Variants in IL6ST observed in about 807,000 individuals in gnomAD.
The protein encoded by IL6ST is interleukin 6 cytokine family signal transducer.
A neutral mutation model predicts 91.3 loss-of-function variants in IL6ST; 24 were observed. The ratio of observed to expected loss-of-function variants is 0.26; its 90% confidence interval spans 0.19 to 0.37. The LOEUF (loss-of-function observed/expected upper bound fraction) is 0.37. IL6ST is among the 10% of genes least tolerant of loss of function. The pLI is 1.00. For missense variants in IL6ST, 914 were observed against 1,078.5 expected (o/e 0.85, Z 2.14); for synonymous variants, 351 against 373.6 (o/e 0.94, Z 0.70).
intron 1 of IL6ST, among the ~76,000 whole-genome samples, chr5:55,992,829 T>A (rs1055231791): frequency 2.0e-5 from 3 of 152,224 alleles, no homozygotes; most frequent in African/African-American, 7.2e-5. Flanking sequence ...TTTTAATATC[T>A]ACAGGATTTT....
intron 14 of IL6ST, chr5:55,950,099 T>C: frequency 2.4e-6 from 1 of 420,230 alleles, no homozygotes; most frequent in South Asian, 1.7e-5. Flanking sequence ...TCAGCTTATG[T>C]GAGAGAAAAA....
intron 1 of IL6ST, among the ~76,000 whole-genome samples, chr5:55,983,717 A>T (rs1441802081): frequency 6.6e-6 from 1 of 152,218 alleles, no homozygotes; most frequent in Non-Finnish European, 1.5e-5. Context: ...AAAGTGCACT[A>T]TAATCCCACC....
Position 55,956,007 on chromosome 5 carries a change from C to T in IL6ST, c.1267+18G>A. 2 of 1,567,824 alleles carry T rather than the reference C, an allele frequency of 1.3e-6. No individual in the cohort carries two copies. The highest frequency in any genetic ancestry group is 1.8e-6 in the Non-Finnish European group (2 of 1,137,880). ...ATTTTTCCACCCAAGAGTCAGGCTC[C>T]ATCTCACAGATACAAACCTTGAAAG... On this transcript the variant is annotated intron_variant, in intron 10 of 16. Coordinates refer to ENST00000381298, the MANE Select transcript of IL6ST (RefSeq NM_002184.4).
chr5:55,962,955 AAAT>A (rs746479709), intron 7 of IL6ST, among the ~76,000 whole-genome samples: 3 of 152,088 alleles, frequency 2.0e-5, no homozygotes, highest in Non-Finnish European at 4.4e-5. Context: ...TCTCCACAAA[AAAT>A]AATAATAATT....
At chr5:55,962,355 T>C (rs1357106237) in intron 7 of IL6ST, among the ~76,000 whole-genome samples, 2 of 152,202 alleles carry the variant, frequency 1.3e-5, no homozygotes, top group Non-Finnish European at 2.9e-5. Context: ...AGACATACTG[T>C]TTGTGATAAA....
rs1753736454 is a variant in IL6ST at position 55,982,735 on chromosome 5, A to T, written c.-27T>A. ...GATCAATTACTTACCCAAATCACAA[A>T]ATTAGTAAGTGAAGGAGTAGGGATT... On this transcript the variant is annotated 5_prime_UTR_variant, in exon 2 of 17. Coordinates refer to ENST00000381298, the MANE Select transcript of IL6ST (RefSeq NM_002184.4). 1 of 398,368 alleles carries T rather than the reference A, an allele frequency of 2.5e-6. No individual in the cohort carries two copies. Among genetic ancestry groups the T allele is most frequent in the South Asian group, 1.3e-4 (1 of 7,854 alleles). The allele number at this position is 398,368 out of a possible 1,614,324, so 24.7% of individuals were successfully genotyped here. A position where few individuals can be genotyped will look rare whatever the true frequency, so the allele number is the denominator to read the frequency against.
chr5:55,983,925 A>G (rs1753804297), intron 1 of IL6ST, among the ~76,000 whole-genome samples: 1 of 152,170 alleles, frequency 6.6e-6, no homozygotes, highest in South Asian at 2.1e-4. Context: ...TATAGAGAGT[A>G]ATTCCTTGTA....
chr5:55,951,057 G>A (rs925763534), intron 14 of IL6ST, among the ~76,000 whole-genome samples: 1 of 152,162 alleles, frequency 6.6e-6, no homozygotes, highest in African/African-American at 2.4e-5. Flanking sequence ...GTGCAGGGGT[G>A]GGGTAGGACC....
intron 15 of IL6ST, among the ~76,000 whole-genome samples, chr5:55,945,341 A>G (rs1451189728): frequency 1.3e-5 from 2 of 152,202 alleles, no homozygotes; most frequent in Non-Finnish European, 2.9e-5. Flanking sequence ...ATGGAAATAG[A>G]TACAGACTTA....
rs1027222912 is a variant in IL6ST at position 55,936,083 on chromosome 5, AT to A, written c.*4998del. 3 of 228,124 alleles carry A rather than the reference AT, an allele frequency of 1.3e-5. No homozygotes were observed. The highest frequency in any genetic ancestry group is 2.6e-5 in the Non-Finnish European group (3 of 114,930). The allele number at this position is 228,124 out of a possible 1,614,324, so 14.1% of individuals were successfully genotyped here. Reference sequence around the variant, plus strand: ...GCTTGTGGGTTTTTTGACTCACTACATTTTTTTAGACAAAATCACAATGTGA... The same window carrying A: ...GCTTGTGGGTTTTTTGACTCACTACATTTTTTAGACAAAATCACAATGTGA... On this transcript the variant is annotated 3_prime_UTR_variant, in exon 17 of 17. Coordinates refer to ENST00000381298, the MANE Select transcript of IL6ST (RefSeq NM_002184.4).
In IL6ST at chr5:55,960,425, G is replaced by A. The variant is rs1752241538; in HGVS notation, c.950C>T (p.Ala317Val). Residue 317 changes from alanine (A) to valine (V), a missense_variant, in exon 8 of 17, where the codon GCA becomes GTA. Coordinates refer to ENST00000381298, the MANE Select transcript of IL6ST (RefSeq NM_002184.4). Reference sequence around the variant, plus strand: ...ACTATCTTCATAGGTGATCCCACTTGCTTCTTCACTCCAGTCACTCCAGTA... The same window carrying A: ...ACTATCTTCATAGGTGATCCCACTTACTTCTTCACTCCAGTCACTCCAGTA... ...KGYWSDWSEE[A>V]SGITYEDRPS... is the part of the protein sequence containing the mutation. 6.2e-7 allele frequency: 1 copy of A among 1,613,498 alleles called. No individual in the cohort carries two copies. The highest frequency in any genetic ancestry group is 8.5e-7 in the Non-Finnish European group (1 of 1,179,598).
intron 7 of IL6ST, among the ~76,000 whole-genome samples, chr5:55,961,456 C>A (rs1398547192): frequency 6.6e-6 from 1 of 152,020 alleles, no homozygotes; most frequent in Non-Finnish European, 1.5e-5. Context: ...CAGGTAGTGA[C>A]CCTAAGTTGA....
intron 1 of IL6ST, among the ~76,000 whole-genome samples, chr5:55,985,351 CTAAAA>C (rs1432499876): frequency 6.6e-6 from 1 of 151,732 alleles, no homozygotes; most frequent in Non-Finnish European, 1.5e-5. Flanking sequence ...CCTGTCTCTA[CTAAAA>C]TATTTTAAAA....
At position 55,938,283 on chromosome 5, in the gene IL6ST, T is replaced by C. The variant is rs916710303; in HGVS notation, c.*2799A>G. The C allele has an allele frequency of 1.5e-4, 29 of 192,006 alleles. No homozygotes were observed. The highest frequency in any genetic ancestry group is 2.8e-4 in the African/African-American group (12 of 43,048). 11.9% of individuals were successfully genotyped at this position (192,006 alleles called of 1,614,324 possible). A position where few individuals can be genotyped will look rare whatever the true frequency, so the allele number is the denominator to read the frequency against. The stretch of plus-strand genomic sequence containing the variant: ...GAACATGTGAATGAAATTTGCTTTT[T>C]TTCCTTGCTGCTGTTCCCGAGTGCC... On this transcript the variant is annotated 3_prime_UTR_variant, in exon 17 of 17. Coordinates refer to ENST00000381298, the MANE Select transcript of IL6ST (RefSeq NM_002184.4).
intron 15 of IL6ST, 32 bp downstream of exon 15, chr5:55,947,461 G>A: frequency 1.7e-6 from 2 of 1,210,898 alleles, no homozygotes; most frequent in Non-Finnish European, 2.4e-6. Flanking sequence ...AAAGCTGGGG[G>A]AAAATGCAAA....
At chr5:55,960,667 G>A in intron 7 of IL6ST, 106 bp from the exon 8 acceptor site, 1 of 1,069,086 alleles carries the variant, frequency 9.4e-7, no homozygotes, top group Non-Finnish European at 1.3e-6. Flanking sequence ...TTGCTCTGTT[G>A]CCCAGGTTGG....
At position 55,981,243 on chromosome 5, in the gene IL6ST, T is replaced by C. The variant is rs547325630; in HGVS notation, c.-16+1481A>G. On this transcript the variant is annotated intron_variant, in intron 2 of 16. Coordinates refer to ENST00000381298, the MANE Select transcript of IL6ST (RefSeq NM_002184.4). ...TGGAGAGGTGATGAAGAAACATCTA[T>C]TATGGGACTTGATTTCATAGTCCAA... Among the ~76,000 whole-genome samples the C allele has an allele frequency of 1.6e-4, 24 of 152,332 alleles. No homozygotes were observed. The South Asian group carries it at 4.4e-3, about 28-fold the overall frequency.
chr5:55,971,377 C>A (rs1275241179), intron 3 of IL6ST, among the ~76,000 whole-genome samples: 1 of 152,188 alleles, frequency 6.6e-6, no homozygotes, highest in Non-Finnish European at 1.5e-5. Flanking sequence ...TCAGTCTGAC[C>A]TCCTTCCAGT....
intron 1 of IL6ST, among the ~76,000 whole-genome samples, chr5:55,988,492 C>T (rs1486994472): frequency 6.6e-6 from 1 of 151,456 alleles, no homozygotes; most frequent in Non-Finnish European, 1.5e-5. Flanking sequence ...CTCCAGCTGG[C>T]GCGGTGGCTC....
Sources: allele counts gnomAD v4.1 joint callset (sites outside exome capture counted in the v4.1 genomes callset), GRCh38; gene constraint gnomAD v4.1.1; transcripts MANE v1.5; gene names NCBI Gene and HGNC (gene_info 2026-07-23, HGNC 2026-07-21).